The following GPR155 variants were observed in gnomAD, a reference collection of about 807,000 sequenced individuals.
GPR155 encodes the protein G protein-coupled receptor 155.
A neutral mutation model predicts 93.1 loss-of-function variants in GPR155; 65 were observed. The observed-to-expected ratio is 0.70, with a 90% CI of 0.57 to 0.86. The LOEUF is 0.86. Among genes scored for constraint, GPR155 ranks in the 40% least tolerant of loss-of-function variants. The probability of loss-of-function intolerance (pLI) is 0.00; values close to 1 mark genes in which losing one functional copy is unlikely to be tolerated. For synonymous variants in GPR155, 319 were observed against 360.1 expected (o/e 0.89, Z 1.29); for missense variants, 838 against 1,034.8 (o/e 0.81, Z 2.61).
At chr2:174,448,179 C>T (rs1282041327) in intron 11 of GPR155, among the ~76,000 whole-genome samples, 1 of 152,114 alleles carries the variant, frequency 6.6e-6, no homozygotes, top group Non-Finnish European at 1.5e-5. Flanking sequence ...AGTTCAAGAC[C>T]AGCCTGGCCA....
At chr2:174,479,664 G>A (rs1688264634) in intron 2 of GPR155, among the ~76,000 whole-genome samples, 1 of 152,138 alleles carries the variant, frequency 6.6e-6, no homozygotes, top group African/African-American at 2.4e-5. Flanking sequence ...TATACTTCTA[G>A]TTTATGTCTA....
Position 174,439,952 on chromosome 2 carries a change from TGTTGACAGGTCATTTTTA to T in GPR155, c.2240_2257del (p.Ile747_Gln753delinsLys). On this transcript the variant is annotated inframe_deletion, in exon 15 of 16. Coordinates refer to ENST00000392552, the MANE Select transcript of GPR155 (RefSeq NM_152529.7). ...GAGGTCACGGTGATAATGGATAAAT[TGTTGACAGGTCATTTTTA>T]TTTCCTCTGAAACAGGAGAATCCCT... 6.2e-7 allele frequency: 1 copy of T among 1,612,892 alleles called. No homozygotes were observed. Among genetic ancestry groups the T allele is most frequent in the Non-Finnish European group, 8.5e-7 (1 of 1,178,984 alleles).
At chr2:174,485,599 G>GAAAAAAAAAAAAA (rs568658592) in intron 1 of GPR155, among the ~76,000 whole-genome samples, 1 of 61,312 alleles carries the variant, frequency 1.6e-5, no homozygotes, top group Non-Finnish European at 3.5e-5. Context: ...TCCGTCTCAA[G>GAAAAAAAAAAAAA]AAAAAAAAAA....
intron 10 of GPR155, among the ~76,000 whole-genome samples, chr2:174,457,129 T>A (rs1355377373): frequency 6.6e-6 from 1 of 152,132 alleles, no homozygotes; most frequent in South Asian, 2.1e-4. Flanking sequence ...CTGGCCAACA[T>A]GGTGAAAACC....
intron 10 of GPR155, among the ~76,000 whole-genome samples, chr2:174,454,211 C>T (rs1687419560): frequency 6.6e-6 from 1 of 152,106 alleles, no homozygotes; most frequent in African/African-American, 2.4e-5. Flanking sequence ...AATCTCGGCT[C>T]ACTGCAACCT....
intron 10 of GPR155, among the ~76,000 whole-genome samples, chr2:174,459,606 A>T (rs1210368381): frequency 6.6e-6 from 1 of 152,216 alleles, no homozygotes; most frequent in African/African-American, 2.4e-5. Context: ...GCACTGTGGG[A>T]GGCCGAGGCG....
intron 15 of GPR155, among the ~76,000 whole-genome samples, chr2:174,438,508 T>G (rs1202286161): frequency 6.6e-6 from 1 of 152,018 alleles, no homozygotes; most frequent in Non-Finnish European, 1.5e-5. Flanking sequence ...ATTTTGTGGG[T>G]TTTTGTTTGT....
At chr2:174,440,078 C>A in intron 14 of GPR155, 43 bp from the exon 15 acceptor site, 1 of 1,560,336 alleles carries the variant, frequency 6.4e-7, no homozygotes. Context: ...CAGAAAAGCA[C>A]TGAGAGAGAA....
intron 10 of GPR155, among the ~76,000 whole-genome samples, chr2:174,454,863 G>A (rs993314187): frequency 2.7e-5 from 4 of 148,396 alleles, no homozygotes; most frequent in Non-Finnish European, 6.0e-5. Context: ...AGGGAAGGAA[G>A]GGAAAGGAAG....
chr2:174,473,928 C>T (rs755411365), intron 2 of GPR155, among the ~76,000 whole-genome samples: 2 of 152,008 alleles, frequency 1.3e-5, no homozygotes, highest in Non-Finnish European at 2.9e-5. Flanking sequence ...GTTGGAAGTG[C>T]GGGAGTTCAG....
At chr2:174,465,963 T>G in intron 6 of GPR155, 61 bp from the exon 7 acceptor site, 1 of 713,884 alleles carries the variant, frequency 1.4e-6, no homozygotes, top group Admixed American at 2.3e-5. Flanking sequence ...AATTCAATAC[T>G]GCAACAGAAA....
chr2:174,458,948 C>T (rs10179192), intron 10 of GPR155, among the ~76,000 whole-genome samples: 56,997 of 151,644 alleles, frequency 0.38, 11,072 homozygotes, highest in Non-Finnish European at 0.44. Flanking sequence ...ATTAGCCAGG[C>T]GTGGTGGCGT....
In GPR155 at chr2:174,436,314, G is replaced by A. The variant is rs367987711; in HGVS notation, c.2415C>T (p.Tyr805=). The A allele has an allele frequency of 3.6e-5, 58 of 1,613,994 alleles. No homozygotes were observed. The highest frequency in any genetic ancestry group is 3.1e-4 in the African/African-American group (23 of 75,030). ...LASDRGEAVI[Y]GDRLVQGGVI... ...CTCCCCCTTGTACCAGCCTGTCTCC[G>A]TATATCACAGCTTCACCACGGTCGG... Residue 805 remains tyrosine, a synonymous_variant, in exon 16 of 16, where the codon TAC becomes TAT. Coordinates refer to ENST00000392552, the MANE Select transcript of GPR155 (RefSeq NM_152529.7).
intron 14 of GPR155, among the ~76,000 whole-genome samples, chr2:174,441,677 G>A (rs1686964848): frequency 6.6e-6 from 1 of 151,938 alleles, no homozygotes; most frequent in Non-Finnish European, 1.5e-5. Flanking sequence ...GTGAGAACAT[G>A]CTGTGTTTGG....
intron 2 of GPR155, 137 bp from the exon 3 acceptor site, chr2:174,473,501 A>C: frequency 1.7e-6 from 1 of 571,526 alleles, no homozygotes; most frequent in Non-Finnish European, 3.0e-6. Context: ...TATTTTGGAA[A>C]AGTACATTTT....
intron 1 of GPR155, among the ~76,000 whole-genome samples, chr2:174,486,039 A>G (rs943175514): frequency 8.5e-5 from 13 of 152,230 alleles, no homozygotes; most frequent in Non-Finnish European, 7.3e-5. Flanking sequence ...AGGGTTGACT[A>G]ACTTCATAGA....
chr2:174,441,086 T>C (rs1239300216), intron 14 of GPR155, among the ~76,000 whole-genome samples: 2 of 152,178 alleles, frequency 1.3e-5, no homozygotes, highest in South Asian at 4.1e-4. Context: ...AAAGTGCAAA[T>C]TACAATGCCA....
intron 2 of GPR155, among the ~76,000 whole-genome samples, chr2:174,474,070 C>T (rs1187261144): frequency 6.6e-6 from 1 of 152,146 alleles, no homozygotes; most frequent in East Asian, 1.9e-4. Flanking sequence ...AAGGAAATGA[C>T]AGGGCAGAGA....
chr2:174,433,298 C>G lies in GPR155; in HGVS notation c.*2818G>C, dbSNP rs1225125852. 3 of 152,102 alleles carry G rather than the reference C, an allele frequency of 2.0e-5. No homozygotes were observed. The highest frequency in any genetic ancestry group is 4.4e-5 in the Non-Finnish European group (3 of 68,014). 9.4% of individuals were successfully genotyped at this position (152,102 alleles called of 1,614,324 possible). ...TGAAGATAAAGTTTACCTGAAGATG[C>G]TATGGTCTAAATGTCTGTGTCCTCC... On this transcript the variant is annotated 3_prime_UTR_variant, in exon 16 of 16. Coordinates refer to ENST00000392552, the MANE Select transcript of GPR155 (RefSeq NM_152529.7).
Sources: allele counts gnomAD v4.1 joint callset (sites outside exome capture counted in the v4.1 genomes callset), GRCh38; gene constraint gnomAD v4.1.1; transcripts MANE v1.5; gene names NCBI Gene and HGNC (gene_info 2026-07-23, HGNC 2026-07-21).